Variants in LRP2 observed in about 807,000 individuals in gnomAD.
LRP2 encodes LDL receptor related protein 2, also known as low-density lipoprotein receptor-related protein 2.
LRP2 carries 172 observed loss-of-function variants against 531.0 expected under a neutral mutation model. The observed-to-expected ratio is 0.32, with a 90% CI of 0.29 to 0.37. The LOEUF (loss-of-function observed/expected upper bound fraction) is 0.37, where lower values mean the gene tolerates loss of function less well. Among genes scored for constraint, LRP2 ranks in the 10% least tolerant of loss-of-function variants. The pLI, the probability that LRP2 is intolerant of heterozygous loss-of-function variation, is 1.00. For missense variants in LRP2, 5,167 were observed against 5,868.3 expected, an observed-to-expected ratio of 0.88 and a Z score of 3.90; for synonymous variants, 1,992 against 2,027.6, an observed-to-expected ratio of 0.98 and a Z score of 0.47.
At chr2:169,204,959 T>A (rs759696741) in intron 41 of LRP2, among the ~76,000 whole-genome samples, 2 of 151,314 alleles carry the variant, frequency 1.3e-5, no homozygotes, top group Admixed American at 1.3e-4. Context: ...AGAAATGCGC[T>A]GAGGAGAAGC....
chr2:169,258,612 T>C (rs533452059), intron 17 of LRP2, among the ~76,000 whole-genome samples: 1 of 152,132 alleles, frequency 6.6e-6, no homozygotes, highest in African/African-American at 2.4e-5. Flanking sequence ...TGAAAAACTT[T>C]TTATTCTGAA....
In LRP2 at chr2:169,139,370, G is replaced by T. The variant is rs370978040; in HGVS notation, c.13269C>A (p.Thr4423=). Residue 4423 remains threonine (T), a splice_region_variant and synonymous_variant, in exon 74 of 79, where the codon ACC becomes ACA. Coordinates refer to ENST00000649046, the MANE Select transcript of LRP2 (RefSeq NM_004525.3). The part of the protein sequence containing the change: ...AFSKGISPGT[T]AVAVLLTILL... The stretch of plus-strand genomic sequence containing the variant: ...GGATTGTCAACAGCACAGCTACTGC[G>T]GCTATAGAAGAAGATAGCAGAGAGC... The T allele has an allele frequency of 6.2e-7, 1 of 1,614,120 alleles. No homozygotes were observed. Among genetic ancestry groups the T allele is most frequent in the East Asian group, 2.2e-5 (1 of 44,876 alleles).
intron 4 of LRP2, among the ~76,000 whole-genome samples, chr2:169,299,521 C>T (rs3770616): frequency 0.25 from 37,771 of 149,382 alleles, 5,160 homozygotes; most frequent in East Asian, 0.44. Flanking sequence ...TAAAAACTGA[C>T]ATAGTTCTAA....
intron 20 of LRP2, 138 bp downstream of exon 20, chr2:169,247,240 G>A: frequency 1.0e-6 from 1 of 1,000,746 alleles, no homozygotes; most frequent in Non-Finnish European, 1.5e-6. Context: ...TACACTCTTA[G>A]ATTATGTGAA....
At chr2:169,209,173 C>A (rs1688505869) in intron 38 of LRP2, among the ~76,000 whole-genome samples, 1 of 151,964 alleles carries the variant, frequency 6.6e-6, no homozygotes, top group Non-Finnish European at 1.5e-5. Context: ...GTAAAAAAAA[C>A]AAATCCACAT....
At chr2:169,184,382 C>T (rs1360573097) in intron 50 of LRP2, among the ~76,000 whole-genome samples, 1 of 152,204 alleles carries the variant, frequency 6.6e-6, no homozygotes. Context: ...AACTGGGAAG[C>T]CAACTGTCCC....
Position 169,182,257 on chromosome 2 carries a change from T to C in LRP2, c.9908A>G (p.His3303Arg). Residue 3303 changes from histidine to arginine, a missense_variant, in exon 51 of 79, where the codon CAC becomes CGC. This residue lies in a region of LRP2 where 1,129 missense variants were observed against 1,362.7 expected (regional missense o/e 0.83). Coordinates refer to ENST00000649046, the MANE Select transcript of LRP2 (RefSeq NM_004525.3). The part of the protein sequence containing the change: ...GLFVSDLNGG[H>R]RRMLAQHCVD... ...ACAGTGCTGGGCCAGCATGCGGCGG[T>C]GTCCACCATTGAGGTCAGAGACAAA... is the stretch of plus-strand genomic sequence containing the variant. The C allele has an allele frequency of 6.2e-7, 1 of 1,614,112 alleles. No homozygotes were observed. Among genetic ancestry groups the C allele is most frequent in the South Asian group, 1.1e-5 (1 of 91,074 alleles).
chr2:169,318,766 A>G lies in LRP2; in HGVS notation c.306T>C (p.Asp102=), dbSNP rs763130830. The G allele has an allele frequency of 3.7e-6, 6 of 1,613,972 alleles. No individual in the cohort carries two copies. Among genetic ancestry groups the G allele is most frequent in the African/African-American group, 1.3e-5 (1 of 74,908 alleles). ...GATTCCTCTCCAAACACTTACAGCA[A>G]TCTTGACGTTCATCTGAGCCATCAT... ...DCDDGSDERQ[D]CSQSTCSSHQ... is the part of the protein sequence containing the mutation. The change falls in exon 3 of 79, where the codon GAT becomes GAC. Residue 102 remains aspartate, a synonymous_variant. Transcript: ENST00000649046.
rs1295735606 is a variant in LRP2 at position 169,206,598 on chromosome 2, G to C, written c.7122C>G (p.Thr2374=). 2 of 1,614,070 alleles carry C rather than the reference G, an allele frequency of 1.2e-6. No homozygotes were observed. Among genetic ancestry groups the C allele is most frequent in the East Asian group, 2.2e-5 (1 of 44,880 alleles). Residue 2374 remains threonine, a synonymous_variant, in exon 39 of 79, where the codon ACC becomes ACG. Transcript: ENST00000649046. ...HTPKCDCAFG[T]LQSDGKNCAI... ...CACAATTCTTGCCATCACTTTGCAGGGTCCCAAAGGCACAGTCACATTTTG... is the reference window on the plus strand; with the variant it reads ...CACAATTCTTGCCATCACTTTGCAGCGTCCCAAAGGCACAGTCACATTTTG...
At chr2:169,347,965 G>A (rs1008378667) in intron 1 of LRP2, among the ~76,000 whole-genome samples, 2 of 152,090 alleles carry the variant, frequency 1.3e-5, no homozygotes, top group Non-Finnish European at 2.9e-5. Flanking sequence ...TACGTACAGA[G>A]GACTATCTTC....
intron 1 of LRP2, among the ~76,000 whole-genome samples, chr2:169,360,754 C>T (rs1686127399): frequency 6.6e-6 from 1 of 152,178 alleles, no homozygotes; most frequent in Non-Finnish European, 1.5e-5. Flanking sequence ...CTCTCCTTGC[C>T]TCTCCTGCCT....
At chr2:169,340,790 C>T (rs537467431) in intron 1 of LRP2, among the ~76,000 whole-genome samples, 21 of 152,250 alleles carry the variant, frequency 1.4e-4, no homozygotes, top group African/African-American at 4.1e-4. Flanking sequence ...ATCCTCTCTG[C>T]GACAGGAGCC....
chr2:169,138,893 C>T lies in LRP2; in HGVS notation c.13389-187G>A, dbSNP rs112418784. On this transcript the variant is annotated intron_variant, in intron 74 of 78. Transcript: ENST00000649046. ...GTAAGTTCCCTTAGCTACCTGGAAA[C>T]GTTAAAGCACATTCCTGAACCATGA... 7.3e-4 allele frequency among the ~76,000 whole-genome samples: 111 copies of T among 152,268 alleles called. 1 individual carries two copies. The highest frequency in any genetic ancestry group is 2.0e-3 in the African/African-American group (84 of 41,540).
chr2:169,219,806 A>G (rs1234981360), intron 34 of LRP2, among the ~76,000 whole-genome samples: 2 of 145,436 alleles, frequency 1.4e-5, no homozygotes, highest in East Asian at 4.4e-4. Flanking sequence ...TAACTAAAAT[A>G]AAAGTTGAAA....
At chr2:169,168,720 G>A in intron 60 of LRP2, 44 bp from the exon 61 acceptor site, 1 of 1,609,532 alleles carries the variant, frequency 6.2e-7, no homozygotes, top group African/African-American at 1.3e-5. Context: ...TATACAAATT[G>A]ACTACTTTGG....
intron 50 of LRP2, among the ~76,000 whole-genome samples, chr2:169,184,059 A>G (rs1687537414): frequency 6.6e-6 from 1 of 152,130 alleles, no homozygotes; most frequent in African/African-American, 2.4e-5. Context: ...TCTTCTGATA[A>G]AGAACACACC....
intron 26 of LRP2, among the ~76,000 whole-genome samples, chr2:169,238,967 T>C (rs1470841748): frequency 6.6e-6 from 1 of 152,172 alleles, no homozygotes; most frequent in Non-Finnish European, 1.5e-5. Context: ...TAAGAGAAGC[T>C]AAAACCTGGA....
chr2:169,247,981 T>G (rs1267610292), intron 19 of LRP2, among the ~76,000 whole-genome samples: 2 of 152,208 alleles, frequency 1.3e-5, no homozygotes, highest in African/African-American at 4.8e-5. Context: ...TATGTTTTAA[T>G]GACAGCGCTT....
At chr2:169,255,448 T>C (rs964905812) in intron 19 of LRP2, among the ~76,000 whole-genome samples, 3 of 152,174 alleles carry the variant, frequency 2.0e-5, no homozygotes, top group African/African-American at 7.2e-5. Context: ...GCTGTGCTCA[T>C]TGTGACTGTA....
Sources: allele counts gnomAD v4.1 joint callset (sites outside exome capture counted in the v4.1 genomes callset), GRCh38; gene constraint gnomAD v4.1.1; regional missense constraint gnomAD v4.1.1; transcripts MANE v1.5; gene names NCBI Gene and HGNC (gene_info 2026-07-23, HGNC 2026-07-21).